Variants in PIGL observed in about 807,000 individuals in gnomAD.
PIGL encodes the protein N-acetylglucosaminyl-phosphatidylinositol de-N-acetylase.
PIGL carries 22 observed loss-of-function variants against 31.1 expected under a neutral mutation model. The observed-to-expected ratio is 0.71, with a 90% confidence interval of 0.51 to 1.01. PIGL has a LOEUF of 1.01. Among genes scored for constraint, PIGL ranks in the 50% least tolerant of loss-of-function variants. PIGL has a pLI of 0.00. For missense variants in PIGL, 302 were observed against 315.9 expected, an observed-to-expected ratio of 0.96 and a Z score of 0.33; for synonymous variants, 131 against 117.4, an observed-to-expected ratio of 1.12 and a Z score of -0.75.
chr17:16,325,724 G>A (rs2093124674), intron 6 of PIGL, 76 bp from the exon 7 acceptor site: 1 of 1,053,800 alleles, frequency 9.5e-7, no homozygotes, highest in Admixed American at 1.7e-5. Flanking sequence ...GATTTAAGGT[G>A]CGGAGGCCAG....
chr17:16,256,420 C>T (rs1382683083), intron 2 of PIGL, among the ~76,000 whole-genome samples: 1 of 152,184 alleles, frequency 6.6e-6, no homozygotes, highest in Non-Finnish European at 1.5e-5. Flanking sequence ...TCACTGCAAC[C>T]TCCACCTCCC....
In PIGL at chr17:16,308,941, C is replaced by T. The variant is rs550423398; in HGVS notation, c.427-4606C>T. On this transcript the variant is annotated intron_variant, in intron 3 of 6. Coordinates refer to ENST00000225609, the MANE Select transcript of PIGL (RefSeq NM_004278.4). ...AGCTGAGACTACAGGCACGTGCCAC[C>T]GGGCCCAGCTAATTAAAAAAATTTC... is the stretch of plus-strand genomic sequence containing the variant. Among the ~76,000 whole-genome samples, 9 of 152,014 alleles carry T rather than the reference C, an allele frequency of 5.9e-5. No homozygotes were observed. In the South Asian group the frequency reaches 1.2e-3, roughly 21 times the overall value.
intron 6 of PIGL, among the ~76,000 whole-genome samples, chr17:16,323,849 C>G (rs2093116363): frequency 1.3e-5 from 2 of 151,636 alleles, no homozygotes; most frequent in Non-Finnish European, 2.9e-5. Context: ...GAACTCCTGA[C>G]CTGGTGATCT....
At chr17:16,257,627 A>G (rs1389572462) in intron 2 of PIGL, among the ~76,000 whole-genome samples, 1 of 146,006 alleles carries the variant, frequency 6.8e-6, no homozygotes, top group Admixed American at 6.9e-5. Flanking sequence ...TGTATCATAT[A>G]TTTTGTGGTT....
chr17:16,235,561 C>T (rs1471734085), intron 2 of PIGL, among the ~76,000 whole-genome samples: 3 of 151,250 alleles, frequency 2.0e-5, no homozygotes, highest in East Asian at 3.9e-4. Flanking sequence ...GTTCTCCCCC[C>T]TCAGTCTCCC....
chr17:16,239,035 G>A (rs1006985400), intron 2 of PIGL, among the ~76,000 whole-genome samples: 9 of 150,822 alleles, frequency 6.0e-5, no homozygotes, highest in Non-Finnish European at 1.2e-4. Context: ...GAGCCACCTT[G>A]CCCGACCTGA....
chr17:16,317,814 G>T lies in PIGL; in HGVS notation c.566G>T (p.Arg189Leu), dbSNP rs749470498. ...ACGCTTCAGTCTGTGAATGTGCTGC[G>T]CAAGTACATCTCCCTTCTGGATCTG... is the stretch of plus-strand genomic sequence containing the variant. ...VLTLQSVNVLRKYISLLDLPL... is the reference protein window; with the variant it reads ...VLTLQSVNVLLKYISLLDLPL... The change falls in exon 6 of 7, where the codon CGC (arginine) becomes CTC (leucine). Residue 189 changes from arginine (R) to leucine (L), a missense_variant. By Grantham distance (102) the Arg-to-Leu change is moderately radical. Transcript: ENST00000225609. 6.8e-6 allele frequency: 11 copies of T among 1,613,926 alleles called. No individual in the cohort carries two copies. Among genetic ancestry groups the T allele is most frequent in the Admixed American group, 6.7e-5 (4 of 60,000 alleles).
intron 2 of PIGL, among the ~76,000 whole-genome samples, chr17:16,241,750 A>G (rs1390838251): frequency 6.6e-6 from 1 of 152,142 alleles, no homozygotes; most frequent in East Asian, 1.9e-4. Flanking sequence ...TTATCTGCTC[A>G]GTATTAAACA....
chr17:16,224,190 C>T (rs2092641575), intron 1 of PIGL, among the ~76,000 whole-genome samples: 2 of 151,840 alleles, frequency 1.3e-5, no homozygotes, highest in Non-Finnish European at 2.9e-5. Context: ...ACTCCAGCCT[C>T]TTGCTCTTGC....
At chr17:16,248,394 T>C (rs1179421422) in intron 2 of PIGL, among the ~76,000 whole-genome samples, 3 of 152,228 alleles carry the variant, frequency 2.0e-5, no homozygotes, top group Admixed American at 1.3e-4. Flanking sequence ...TCAGAAGTTC[T>C]ATCTTCCACA....
chr17:16,295,503 T>G (rs528750343), intron 2 of PIGL, among the ~76,000 whole-genome samples: 28 of 151,668 alleles, frequency 1.8e-4, no homozygotes, highest in African/African-American at 6.5e-4. Context: ...AGTTATTAGC[T>G]GGGCTTGGTG....
intron 1 of PIGL, among the ~76,000 whole-genome samples, chr17:16,223,601 C>T (rs139382529): frequency 4.5e-4 from 69 of 151,722 alleles, no homozygotes; most frequent in Non-Finnish European, 8.8e-4. Context: ...AGTCTTGGAC[C>T]GGGTGTGGTG....
At chr17:16,273,538 G>A (rs993955662) in intron 2 of PIGL, among the ~76,000 whole-genome samples, 2 of 152,140 alleles carry the variant, frequency 1.3e-5, no homozygotes, top group Non-Finnish European at 2.9e-5. Flanking sequence ...TGGGAAGGGG[G>A]CTCCAGACTT....
At chr17:16,248,254 C>G (rs1441009654) in intron 2 of PIGL, among the ~76,000 whole-genome samples, 2 of 152,142 alleles carry the variant, frequency 1.3e-5, no homozygotes, top group Non-Finnish European at 2.9e-5. Context: ...GTTCTGGTTC[C>G]TTTTAAACGT....
At chr17:16,280,913 C>T (rs1401730014) in intron 2 of PIGL, among the ~76,000 whole-genome samples, 1 of 152,026 alleles carries the variant, frequency 6.6e-6, no homozygotes, top group Non-Finnish European at 1.5e-5. Flanking sequence ...CTATCTTGGC[C>T]AGGCTGGTCT....
chr17:16,293,501 C>G (rs1311683231), intron 2 of PIGL, among the ~76,000 whole-genome samples: 1 of 152,178 alleles, frequency 6.6e-6, no homozygotes, highest in African/African-American at 2.4e-5. Flanking sequence ...GCACTCCAGC[C>G]TGGGTGACAG....
At chr17:16,308,328 T>C (rs190104946) in intron 3 of PIGL, among the ~76,000 whole-genome samples, 19 of 138,666 alleles carry the variant, frequency 1.4e-4, no homozygotes, top group South Asian at 9.0e-4. Context: ...TGAAACTCCG[T>C]CTCAAAAAAA....
At chr17:16,313,863 A>G (rs1167804815) in intron 4 of PIGL, among the ~76,000 whole-genome samples, 1 of 152,130 alleles carries the variant, frequency 6.6e-6, no homozygotes, top group African/African-American at 2.4e-5. Context: ...TACACTGAAT[A>G]CTGCGAATGG....
At chr17:16,282,428 C>T (rs2092920346) in intron 2 of PIGL, among the ~76,000 whole-genome samples, 1 of 151,954 alleles carries the variant, frequency 6.6e-6, no homozygotes, top group Admixed American at 6.6e-5. Context: ...TTTCACCAGT[C>T]TAGTTACTAC....
Sources: gnomAD v4.1 joint callset for allele counts (sites outside exome capture counted in the v4.1 genomes callset) on GRCh38, gnomAD v4.1.1 for gene constraint, MANE v1.5 for transcripts, NCBI Gene and HGNC (gene_info 2026-07-23, HGNC 2026-07-21) for gene names.